KCTD20: variants seen among roughly 807,000 people sequenced by gnomAD.
KCTD20 encodes BTB/POZ domain-containing protein KCTD20.
In KCTD20, 30 loss-of-function variants were observed where a neutral mutation model predicts 39.6. That is an observed-to-expected ratio of 0.76 (90% confidence interval 0.57 to 1.03). The LOEUF (loss-of-function observed/expected upper bound fraction) is 1.03, where lower values mean the gene tolerates loss of function less well. Ranked by LOEUF, KCTD20 falls within the 50% of genes least tolerant of loss-of-function variation. The pLI, the probability that KCTD20 is intolerant of heterozygous loss-of-function variation, is 0.00. For missense variants in KCTD20, 422 were observed against 522.0 expected (o/e 0.81, Z 1.87); for synonymous variants, 162 against 180.6 (o/e 0.90, Z 0.83).
At chr6:36,449,892 C>T (rs1250350698) in intron 1 of KCTD20, among the ~76,000 whole-genome samples, 3 of 152,276 alleles carry the variant, frequency 2.0e-5, no homozygotes, top group Admixed American at 2.0e-4. Flanking sequence ...TGGCCGGGCG[C>T]GGTGGCTCAC....
chr6:36,446,670 C>T (rs1430458732), intron 1 of KCTD20, among the ~76,000 whole-genome samples: 1 of 152,202 alleles, frequency 6.6e-6, no homozygotes, highest in East Asian at 1.9e-4. Context: ...ACTCATCTAA[C>T]TACTAACCTC....
Position 36,487,007 on chromosome 6 carries a change from T to C in KCTD20, c.1092T>C (p.His364=), listed in dbSNP as rs759688968. 1.9e-6 allele frequency: 3 copies of C among 1,614,214 alleles called. No homozygotes were observed. The highest frequency in any genetic ancestry group is 1.7e-5 in the Admixed American group (1 of 60,026). ...SWEKEEGKSR[H]VDFQCVRSKS... The stretch of plus-strand genomic sequence containing the variant: ...AAAAGGAAGAAGGGAAGAGTCGCCA[T>C]GTGGATTTCCAGTGTGTTCGAAGCA... The change falls in exon 8 of 8, where the codon CAT becomes CAC. Residue 364 remains histidine, a synonymous_variant. Transcript: ENST00000373731.
intron 2 of KCTD20, among the ~76,000 whole-genome samples, chr6:36,472,762 G>C (rs1775949257): frequency 6.6e-6 from 1 of 152,124 alleles, no homozygotes; most frequent in Admixed American, 6.5e-5. Flanking sequence ...CGGATCACTT[G>C]AGGAGACTGC....
chr6:36,450,117 T>C (rs1372069401), intron 1 of KCTD20, among the ~76,000 whole-genome samples: 3 of 141,576 alleles, frequency 2.1e-5, no homozygotes, highest in Non-Finnish European at 4.5e-5. Context: ...TGAGCCGAGA[T>C]TGCGCCACTG....
intron 1 of KCTD20, among the ~76,000 whole-genome samples, chr6:36,460,181 A>AG (rs1775558174): frequency 1.3e-5 from 2 of 152,186 alleles, no homozygotes; most frequent in Non-Finnish European, 2.9e-5. Context: ...GTTCTCCTTA[A>AG]GGTTTCATTA....
At position 36,487,264 on chromosome 6, in the gene KCTD20, T is replaced by A; in HGVS notation, c.*89T>A. On this transcript the variant is annotated 3_prime_UTR_variant, in exon 8 of 8. Transcript: ENST00000373731. ...CCCTCGTGATTTGTCTCACCTTGAG[T>A]AGGAGACATGCTTCTCCCCTAACCT... 7.7e-7 allele frequency: 1 copy of A among 1,296,818 alleles called. No homozygotes were observed. Among genetic ancestry groups the A allele is most frequent in the Non-Finnish European group, 1.1e-6 (1 of 927,770 alleles). 80.3% of individuals were successfully genotyped at this position (1,296,818 alleles called of 1,614,324 possible).
intron 1 of KCTD20, among the ~76,000 whole-genome samples, chr6:36,448,447 C>T (rs72851215): frequency 1.2e-3 from 185 of 152,276 alleles, no homozygotes; most frequent in Non-Finnish European, 2.0e-3. Flanking sequence ...TTAAAATTAT[C>T]TAAGACACCC....
At chr6:36,481,280 T>C (rs1776237430) in intron 5 of KCTD20, among the ~76,000 whole-genome samples, 1 of 142,180 alleles carries the variant, frequency 7.0e-6, no homozygotes, top group Non-Finnish European at 1.5e-5. Context: ...TGATTTCATC[T>C]CTTATAGGAT....
chr6:36,451,817 C>CTATT (rs1225643233), intron 1 of KCTD20, among the ~76,000 whole-genome samples: 1 of 151,742 alleles, frequency 6.6e-6, no homozygotes, highest in Admixed American at 6.6e-5. Context: ...AAACAGATTT[C>CTATT]TATTTATTTA....
At chr6:36,480,090 A>G (rs1776198715) in intron 5 of KCTD20, among the ~76,000 whole-genome samples, 1 of 152,112 alleles carries the variant, frequency 6.6e-6, no homozygotes, top group East Asian at 1.9e-4. Context: ...CACCAAGCCC[A>G]GCTGATATTT....
intron 1 of KCTD20, among the ~76,000 whole-genome samples, chr6:36,447,538 A>G (rs1050997143): frequency 2.0e-5 from 3 of 152,166 alleles, no homozygotes; most frequent in Non-Finnish European, 4.4e-5. Flanking sequence ...GTTGAGGCAT[A>G]AGCATTGCTT....
At position 36,478,981 on chromosome 6, in the gene KCTD20, T is replaced by C. The variant is rs181852313; in HGVS notation, c.435-140T>C. 3.9e-5 allele frequency: 23 copies of C among 592,936 alleles called. No homozygotes were observed. In the East Asian group the frequency reaches 4.6e-4, roughly 12 times the overall value. The allele number at this position is 592,936 out of a possible 1,614,324, so 36.7% of individuals were successfully genotyped here. ...TAAGACTTGAGGTGTCTTGTAGGCA[T>C]TGGGTTCCAGTGCTGTGTTTTTAAT... On this transcript the variant is annotated intron_variant, in intron 3 of 7. Transcript: ENST00000373731.
At chr6:36,471,105 C>G (rs1472728168) in intron 2 of KCTD20, among the ~76,000 whole-genome samples, 1 of 148,572 alleles carries the variant, frequency 6.7e-6, no homozygotes, top group Admixed American at 6.7e-5. Flanking sequence ...GAGCCAAGAT[C>G]ACACCACTGC....
intron 6 of KCTD20, among the ~76,000 whole-genome samples, chr6:36,483,073 C>T (rs1277550843): frequency 2.0e-5 from 3 of 147,106 alleles, no homozygotes; most frequent in African/African-American, 7.5e-5. Context: ...GAGCCGAGAT[C>T]ATGCCATTGC....
At chr6:36,459,882 T>C (rs1335571295) in intron 1 of KCTD20, among the ~76,000 whole-genome samples, 1 of 152,240 alleles carries the variant, frequency 6.6e-6, no homozygotes, top group Non-Finnish European at 1.5e-5. Flanking sequence ...AATGCTTAGC[T>C]CTTTTCTATA....
intron 3 of KCTD20, among the ~76,000 whole-genome samples, chr6:36,478,094 C>CAAAAAAAAAAAAAA (rs1301151019): frequency 3.4e-5 from 3 of 87,644 alleles, no homozygotes; most frequent in Admixed American, 1.4e-4. Context: ...AACTCCATCT[C>CAAAAAAAAAAAAAA]AAAAAAAAAA....
chr6:36,484,825 GT>G lies in KCTD20; in HGVS notation c.967+2del. On this transcript the variant is annotated splice_donor_variant, in intron 7 of 7. Coordinates refer to ENST00000373731, the MANE Select transcript of KCTD20 (RefSeq NM_173562.5). LOFTEE classifies it high-confidence loss of function. ...AAAAACATTCGCATTGGAATTGAAG[GT>G]AAAAAAAAAAAAAAAATCCCAGTCA... is the stretch of plus-strand genomic sequence containing the variant. 2 of 1,423,296 alleles carry G rather than the reference GT, an allele frequency of 1.4e-6. No individual in the cohort carries two copies. The highest frequency in any genetic ancestry group is 1.2e-5 in the South Asian group (1 of 81,966). 88.2% of individuals were successfully genotyped at this position (1,423,296 alleles called of 1,614,324 possible). A position where few individuals can be genotyped will look rare whatever the true frequency, so the allele number is the denominator to read the frequency against.
chr6:36,484,729 A>G lies in KCTD20; in HGVS notation c.872A>G (p.Lys291Arg). ...EEYSQILYSS[K>R]LYRFFKYIEN... ...TCTTTTTCAGTTCTTTATAGCTCCA[A>G]GCTCTACAGATTCTTCAAATATATT... The change falls in exon 7 of 8, where the codon AAG becomes AGG. Residue 291 changes from lysine to arginine, a missense_variant. Lys to Arg is a conservative substitution (Grantham distance 26). Coordinates refer to ENST00000373731, the MANE Select transcript of KCTD20 (RefSeq NM_173562.5). The G allele has an allele frequency of 6.3e-7, 1 of 1,582,266 alleles. No individual in the cohort carries two copies. Among genetic ancestry groups the G allele is most frequent in the Non-Finnish European group, 8.6e-7 (1 of 1,156,306 alleles).
At chr6:36,479,517 G>A (rs1776170295) in intron 4 of KCTD20, 74 bp from the exon 5 acceptor site, 8 of 1,347,626 alleles carry the variant, frequency 5.9e-6, no homozygotes, top group South Asian at 2.6e-5. Context: ...ACAAAACCAG[G>A]AATGCACAGG....
Sources: gnomAD v4.1 joint callset for allele counts (sites outside exome capture counted in the v4.1 genomes callset) on GRCh38, gnomAD v4.1.1 for gene constraint, MANE v1.5 for transcripts, NCBI Gene and HGNC (gene_info 2026-07-23, HGNC 2026-07-21) for gene names.